The following RPS6KC1 variants were observed in gnomAD, a reference collection of about 807,000 sequenced individuals.
RPS6KC1 encodes the protein ribosomal protein S6 kinase C1, also known as inactive ribosomal protein S6 kinase delta-1.
RPS6KC1 carries 54 observed loss-of-function variants against 103.8 expected under a neutral mutation model. The ratio of observed to expected loss-of-function variants is 0.52; its 90% CI spans 0.42 to 0.65. The LOEUF (loss-of-function observed/expected upper bound fraction) is 0.65, where lower values mean the gene tolerates loss of function less well. Among genes scored for constraint, RPS6KC1 ranks in the 30% least tolerant of loss-of-function variants. RPS6KC1 has a pLI of 0.00. For synonymous variants in RPS6KC1, 439 were observed against 438.7 expected, an observed-to-expected ratio of 1.00 and a Z score of -0.01; for missense variants, 1,151 against 1,253.8, an observed-to-expected ratio of 0.92 and a Z score of 1.24.
intron 3 of RPS6KC1, among the ~76,000 whole-genome samples, chr1:213,103,807 G>A (rs2082230416): frequency 6.6e-6 from 1 of 152,130 alleles, no homozygotes; most frequent in African/African-American, 2.4e-5. Context: ...TTTTGAAAAT[G>A]TCTTATCAGC....
chr1:213,455,066 T>C, the RPS6KC1 span, among the ~76,000 whole-genome samples: 5 of 152,122 alleles, frequency 3.3e-5, no homozygotes, highest in Non-Finnish European at 7.4e-5. Flanking sequence ...ATGTGGACAT[T>C]GAGGGGAGAA....
At chr1:213,556,861 T>C in the RPS6KC1 span, among the ~76,000 whole-genome samples, 2 of 152,294 alleles carry the variant, frequency 1.3e-5, no homozygotes, top group Non-Finnish European at 2.9e-5. Flanking sequence ...AGAGCATCAT[T>C]CGTTACTTCT....
At chr1:213,549,565 C>G in the RPS6KC1 span, among the ~76,000 whole-genome samples, 4 of 149,538 alleles carry the variant, frequency 2.7e-5, no homozygotes. Context: ...AGGAGGCAGG[C>G]ATTTTTCTTT....
the RPS6KC1 span, among the ~76,000 whole-genome samples, chr1:213,581,595 T>C: frequency 2.5e-4 from 38 of 152,084 alleles, no homozygotes; most frequent in South Asian, 7.9e-3. Flanking sequence ...TGTGGAAAAA[T>C]GCCCAGGCAT....
intron 6 of RPS6KC1, among the ~76,000 whole-genome samples, chr1:213,152,985 C>G (rs1465013339): frequency 6.6e-6 from 1 of 152,250 alleles, no homozygotes; most frequent in Non-Finnish European, 1.5e-5. Context: ...CATCTGCAAT[C>G]CCGGCACCTC....
At chr1:213,088,150 G>A (rs2080597086) in intron 3 of RPS6KC1, among the ~76,000 whole-genome samples, 1 of 152,036 alleles carries the variant, frequency 6.6e-6, no homozygotes, top group South Asian at 2.1e-4. Context: ...TGTTCTTCTG[G>A]CAACTGTGGT....
chr1:213,753,994 G>A, the RPS6KC1 span, among the ~76,000 whole-genome samples: 7 of 152,220 alleles, frequency 4.6e-5, no homozygotes, highest in African/African-American at 9.6e-5. Flanking sequence ...GGAGAACACC[G>A]AGAGGAGATG....
the RPS6KC1 span, among the ~76,000 whole-genome samples, chr1:213,756,869 C>G: frequency 4.4e-3 from 671 of 152,188 alleles, 6 homozygotes; most frequent in African/African-American, 0.015. Flanking sequence ...CTCGGCCCCC[C>G]CAAAGTACTG....
At chr1:213,621,398 G>A in the RPS6KC1 span, among the ~76,000 whole-genome samples, 4 of 135,338 alleles carry the variant, frequency 3.0e-5, no homozygotes, top group African/African-American at 8.1e-5. Flanking sequence ...TATAAGGGCA[G>A]GGAAAGCAGG....
the RPS6KC1 span, among the ~76,000 whole-genome samples, chr1:213,372,229 C>G: frequency 1.3e-5 from 2 of 152,206 alleles, no homozygotes. Flanking sequence ...GCCTGCACCA[C>G]TTGGGCCGCG....
At chr1:213,778,279 T>C in the RPS6KC1 span, among the ~76,000 whole-genome samples, 1 of 152,332 alleles carries the variant, frequency 6.6e-6, no homozygotes, top group African/African-American at 2.4e-5. Context: ...GGCTATTTTA[T>C]TCCAGGCCAG....
chr1:213,648,651 C>T, the RPS6KC1 span, among the ~76,000 whole-genome samples: 6 of 152,106 alleles, frequency 3.9e-5, no homozygotes, highest in Admixed American at 6.5e-5. Context: ...CAGGCCAGTC[C>T]CCTGCTCCCA....
chr1:213,110,026 T>C (rs2082869715), intron 4 of RPS6KC1, among the ~76,000 whole-genome samples: 1 of 152,216 alleles, frequency 6.6e-6, no homozygotes, highest in Non-Finnish European at 1.5e-5. Context: ...AGATTGTTTT[T>C]GCTTATGGCT....
At chr1:213,336,361 G>A in the RPS6KC1 span, among the ~76,000 whole-genome samples, 454 of 152,308 alleles carry the variant, frequency 3.0e-3, 1 homozygote, top group African/African-American at 0.011. Context: ...ATGGCCTAAG[G>A]TTCCGACATT....
chr1:213,212,581 C>G (rs546022592), intron 8 of RPS6KC1, among the ~76,000 whole-genome samples: 3 of 152,246 alleles, frequency 2.0e-5, no homozygotes, highest in South Asian at 2.1e-4. Context: ...ATTTTCAGCT[C>G]CTTTGAGTAG....
intron 8 of RPS6KC1, among the ~76,000 whole-genome samples, chr1:213,220,545 C>T (rs889064088): frequency 3.3e-5 from 5 of 152,090 alleles, no homozygotes; most frequent in Non-Finnish European, 7.3e-5. Flanking sequence ...AGGCTGGTCT[C>T]GAACTCCTGG....
the RPS6KC1 span, among the ~76,000 whole-genome samples, chr1:213,382,723 T>A: frequency 1.3e-5 from 2 of 152,146 alleles, no homozygotes; most frequent in African/African-American, 4.8e-5. Context: ...CATCTCAGAG[T>A]TCAGCCATCA....
chr1:213,564,184 T>C, the RPS6KC1 span, among the ~76,000 whole-genome samples: 1 of 152,188 alleles, frequency 6.6e-6, no homozygotes, highest in Non-Finnish European at 1.5e-5. Context: ...TAGTCATTAT[T>C]ATGCCTTCAC....
the RPS6KC1 span, among the ~76,000 whole-genome samples, chr1:213,829,268 CAA>C: frequency 4.4e-5 from 5 of 114,370 alleles, no homozygotes; most frequent in East Asian, 2.7e-4. Context: ...TCGTTTGTTT[CAA>C]AAAAAAAAAA....
Sources: allele counts gnomAD v4.1 joint callset (sites outside exome capture counted in the v4.1 genomes callset), GRCh38; gene constraint gnomAD v4.1.1; transcripts MANE v1.5; gene names NCBI Gene and HGNC (gene_info 2026-07-23, HGNC 2026-07-21).